ESRRG: variants seen among roughly 807,000 people sequenced by gnomAD.
The protein encoded by ESRRG is estrogen-related receptor gamma.
A neutral mutation model predicts 44.0 loss-of-function variants in ESRRG; 13 were observed. The observed-to-expected ratio is 0.30, with a 90% CI of 0.19 to 0.47. The LOEUF is 0.47. Among genes scored for constraint, ESRRG ranks in the 20% least tolerant of loss-of-function variants. ESRRG has a pLI of 1.00. For synonymous variants in ESRRG, 215 were observed against 214.6 expected (o/e 1.00, Z -0.02); for missense variants, 395 against 580.6 (o/e 0.68, Z 3.29).
intron 2 of ESRRG, among the ~76,000 whole-genome samples, chr1:216,766,750 T>C (rs982757647): frequency 2.6e-5 from 4 of 152,110 alleles, no homozygotes; most frequent in African/African-American, 9.7e-5. Flanking sequence ...AGCATTTATA[T>C]AAAAAGAAAG....
At chr1:216,694,770 T>C (rs2079791533) in intron 1 of ESRRG, among the ~76,000 whole-genome samples, 1 of 152,074 alleles carries the variant, frequency 6.6e-6, no homozygotes, top group Non-Finnish European at 1.5e-5. Context: ...TTGCCCAGGC[T>C]GGTCCTGAAC....
intron 1 of ESRRG, among the ~76,000 whole-genome samples, chr1:217,103,108 G>A (rs1013074423): frequency 2.0e-5 from 3 of 150,812 alleles, no homozygotes; most frequent in African/African-American, 5.0e-5. Flanking sequence ...TTGGATTGGA[G>A]ATTTGTCTTG....
intron 5 of ESRRG, among the ~76,000 whole-genome samples, chr1:216,546,860 A>G (rs960054325): frequency 4.6e-5 from 7 of 151,634 alleles, no homozygotes; most frequent in Admixed American, 3.3e-4. Context: ...GAACGTGCAG[A>G]TTTGTTATAT....
chr1:216,580,367 G>C (rs1447326737), intron 3 of ESRRG, among the ~76,000 whole-genome samples: 3 of 152,010 alleles, frequency 2.0e-5, no homozygotes, highest in Admixed American at 2.0e-4. Context: ...TAGAAAACTT[G>C]AAGATAACAA....
intron 3 of ESRRG, among the ~76,000 whole-genome samples, chr1:216,613,523 T>G (rs2060965147): frequency 6.6e-6 from 1 of 152,212 alleles, no homozygotes. Flanking sequence ...GAAAGCACCT[T>G]AAAATCTTTA....
rs150017047 is a variant in ESRRG at position 217,061,663 on chromosome 1, GAAAA to G, written c.-106+27840_-106+27843del. On this transcript the variant is annotated intron_variant, in intron 1 of 7. Transcript: ENST00000359162. ...TTATTAAATTTGCTGTGCAGAAATA[GAAAA>G]ACAAGGCCAGGGGAGAACTAGAAAG... Among the ~76,000 whole-genome samples, 944 of 152,188 alleles carry G rather than the reference GAAAA, an allele frequency of 6.2e-3. 6 individuals carry two copies. The highest frequency in any genetic ancestry group is 0.022 in the African/African-American group (916 of 41,530).
chr1:216,824,742 G>A (rs1361607853), intron 2 of ESRRG, among the ~76,000 whole-genome samples: 2 of 152,154 alleles, frequency 1.3e-5, no homozygotes, highest in African/African-American at 4.8e-5. Flanking sequence ...ATTAGCATAT[G>A]CTCCTCACAA....
At chr1:216,570,430 A>G (rs945559957) in intron 3 of ESRRG, among the ~76,000 whole-genome samples, 1 of 152,168 alleles carries the variant, frequency 6.6e-6, no homozygotes, top group Admixed American at 6.5e-5. Context: ...TCTATATTTA[A>G]TAAAGTTTAA....
intron 1 of ESRRG, among the ~76,000 whole-genome samples, chr1:217,125,664 A>G (rs965219300): frequency 2.0e-5 from 3 of 152,240 alleles, no homozygotes; most frequent in African/African-American, 7.2e-5. Flanking sequence ...AAAACATGGC[A>G]TATCTATGGA....
intron 2 of ESRRG, among the ~76,000 whole-genome samples, chr1:216,911,382 A>G (rs991776548): frequency 6.6e-6 from 1 of 152,212 alleles, no homozygotes; most frequent in African/African-American, 2.4e-5. Context: ...TTCCAATAAT[A>G]TGAAAAGGCA....
chr1:216,653,779 G>A (rs886238759), intron 2 of ESRRG, among the ~76,000 whole-genome samples: 2 of 152,024 alleles, frequency 1.3e-5, no homozygotes, highest in Non-Finnish European at 2.9e-5. Flanking sequence ...CCCATTGGAT[G>A]GTAAGACACT....
chr1:216,601,793 A>G (rs1402212347), intron 3 of ESRRG, among the ~76,000 whole-genome samples: 1 of 152,206 alleles, frequency 6.6e-6, no homozygotes, highest in Non-Finnish European at 1.5e-5. Flanking sequence ...AAAAAAGAGT[A>G]TTATGTTTAT....
chr1:216,741,482 A>G (rs1174170814), intron 2 of ESRRG, among the ~76,000 whole-genome samples: 1 of 145,414 alleles, frequency 6.9e-6, no homozygotes, highest in Non-Finnish European at 1.5e-5. Context: ...ACACACATAT[A>G]CCTCTTTTCC....
intron 2 of ESRRG, among the ~76,000 whole-genome samples, chr1:216,841,475 T>C (rs1477914513): frequency 6.6e-6 from 1 of 152,168 alleles, no homozygotes; most frequent in Non-Finnish European, 1.5e-5. Flanking sequence ...TGGAAGTACA[T>C]GAACACTGGG....
At chr1:216,568,842 G>A (rs2060156900) in intron 3 of ESRRG, among the ~76,000 whole-genome samples, 1 of 152,062 alleles carries the variant, frequency 6.6e-6, no homozygotes, top group African/African-American at 2.4e-5. Flanking sequence ...ATCACCTGAG[G>A]TTGGGAGTTT....
chr1:216,628,767 A>G (rs1166437982), intron 3 of ESRRG, among the ~76,000 whole-genome samples: 1 of 152,124 alleles, frequency 6.6e-6, no homozygotes, highest in Admixed American at 6.6e-5. Flanking sequence ...AAACCTTCAA[A>G]ACTTCTCATT....
intron 1 of ESRRG, among the ~76,000 whole-genome samples, chr1:217,047,801 G>T (rs1343371511): frequency 6.6e-6 from 1 of 152,140 alleles, no homozygotes; most frequent in Non-Finnish European, 1.5e-5. Context: ...TACAAAGAGA[G>T]AAAAGGAATT....
chr1:216,775,608 C>G (rs1361973179), intron 2 of ESRRG, among the ~76,000 whole-genome samples: 1 of 125,300 alleles, frequency 8.0e-6, no homozygotes, highest in Non-Finnish European at 1.6e-5. Context: ...GCGTCTCACG[C>G]TGTCGCACAG....
At chr1:217,120,791 C>G (rs980402864) in intron 1 of ESRRG, among the ~76,000 whole-genome samples, 3 of 152,158 alleles carry the variant, frequency 2.0e-5, no homozygotes, top group Non-Finnish European at 4.4e-5. Flanking sequence ...TGAAGTCTCC[C>G]TTAGTAGGCC....
Sources: gnomAD v4.1 joint callset for allele counts (sites outside exome capture counted in the v4.1 genomes callset) on GRCh38, gnomAD v4.1.1 for gene constraint, MANE v1.5 for transcripts, NCBI Gene and HGNC (gene_info 2026-07-23, HGNC 2026-07-21) for gene names.